Variants in CELF2 observed in about 807,000 individuals in gnomAD.
The protein encoded by CELF2 is CUG triplet repeat RNA-binding protein 2.
Under a neutral mutation model 62.6 loss-of-function variants are expected in CELF2, and 8 were observed. The ratio of observed to expected loss-of-function variants is 0.13; its 90% CI spans 0.07 to 0.23. The LOEUF (loss-of-function observed/expected upper bound fraction) is 0.23, where lower values mean the gene tolerates loss of function less well. CELF2 is among the 10% of genes least tolerant of loss of function. CELF2 has a pLI of 1.00. For synonymous variants in CELF2, 258 were observed against 250.0 expected (o/e 1.03, Z -0.30); for missense variants, 333 against 671.0 (o/e 0.50, Z 5.56).
At chr10:11,149,700 T>C (rs2062961828) in intron 1 of CELF2, among the ~76,000 whole-genome samples, 1 of 152,196 alleles carries the variant, frequency 6.6e-6, no homozygotes, top group South Asian at 2.1e-4. Context: ...GTAGAACGTT[T>C]CCAAGCTGTC....
the CELF2 span, among the ~76,000 whole-genome samples, chr10:10,551,798 G>A: frequency 1.3e-5 from 2 of 152,182 alleles, no homozygotes; most frequent in East Asian, 3.9e-4. Context: ...GCTTTCCAAT[G>A]TTGATATTTA....
the CELF2 span, among the ~76,000 whole-genome samples, chr10:10,470,208 A>T: frequency 2.6e-5 from 4 of 151,868 alleles, no homozygotes; most frequent in Admixed American, 1.3e-4. Flanking sequence ...TTATCCCCTG[A>T]TTATTACAGG....
At chr10:11,256,294 C>G (rs928890976) in intron 4 of CELF2, among the ~76,000 whole-genome samples, 1 of 152,220 alleles carries the variant, frequency 6.6e-6, no homozygotes, top group Non-Finnish European at 1.5e-5. Flanking sequence ...CCACCTGTTA[C>G]CAGTACACCT....
chr10:10,843,945 A>G (rs1263750695), intron 1 of CELF2, among the ~76,000 whole-genome samples: 1 of 151,968 alleles, frequency 6.6e-6, no homozygotes, highest in East Asian at 1.9e-4. Context: ...CTGAGCAGCC[A>G]CTTATGTAAG....
At position 11,220,996 on chromosome 10, in the gene CELF2, G is replaced by A. The variant is rs963357823; in HGVS notation, c.354+3489G>A. ...CAGGTAGTTAATACTTACATGGTTC[G>A]TGCTTTCACGCTTTTCTGCTGCAGA... On this transcript the variant is annotated intron_variant, in intron 3 of 12. Coordinates refer to ENST00000633077, the MANE Select transcript of CELF2 (RefSeq NM_001326342.2). The surrounding 1 kb of genome is among the most constrained non-coding windows in gnomAD (Gnocchi z 4.4). 6.6e-6 allele frequency among the ~76,000 whole-genome samples: 1 copy of A among 152,206 alleles called. No homozygotes were observed. The highest frequency in any genetic ancestry group is 1.5e-5 in the Non-Finnish European group (1 of 68,040).
At chr10:11,262,788 T>A (rs2081051902) in intron 5 of CELF2, among the ~76,000 whole-genome samples, 1 of 152,206 alleles carries the variant, frequency 6.6e-6, no homozygotes, top group Non-Finnish European at 1.5e-5. Flanking sequence ...TAGGAACTTA[T>A]AAACAAGTTT....
At chr10:10,550,544 G>A in the CELF2 span, among the ~76,000 whole-genome samples, 1 of 152,146 alleles carries the variant, frequency 6.6e-6, no homozygotes, top group Non-Finnish European at 1.5e-5. Flanking sequence ...CCAGAGCTGA[G>A]GTTTGGGTTA....
chr10:11,080,683 T>C (rs1190734995), intron 1 of CELF2, among the ~76,000 whole-genome samples: 1 of 152,228 alleles, frequency 6.6e-6, no homozygotes, highest in Non-Finnish European at 1.5e-5. Flanking sequence ...CTTTTCATTG[T>C]GTATTGTAGA....
chr10:11,328,350 C>T lies in CELF2; in HGVS notation c.1439-576C>T, dbSNP rs549223283. Among the ~76,000 whole-genome samples, 9 of 152,258 alleles carry T rather than the reference C, an allele frequency of 5.9e-5. No individual in the cohort carries two copies. In the South Asian group the frequency reaches 1.0e-3, roughly 18 times the overall value. On this transcript the variant is annotated intron_variant, in intron 12 of 12. Transcript: ENST00000633077. This position sits in a 1 kb window ranked among gnomAD's most constrained non-coding sequence, Gnocchi z 6.4. ...TGAGTGAGTTATTCTAGAGTTTATT[C>T]GCTAATTGACCCATCCTCCAGCTAA... is the stretch of plus-strand genomic sequence containing the variant.
At chr10:10,488,223 A>T in the CELF2 span, among the ~76,000 whole-genome samples, 1 of 152,152 alleles carries the variant, frequency 6.6e-6, no homozygotes, top group African/African-American at 2.4e-5. Context: ...AGTAATCCCA[A>T]TCCTTATTTG....
chr10:10,645,424 G>C, the CELF2 span, among the ~76,000 whole-genome samples: 1 of 152,146 alleles, frequency 6.6e-6, no homozygotes, highest in South Asian at 2.1e-4. Context: ...AGGCTGAGCT[G>C]GGAAGATCAC....
rs2052356812 is a variant in CELF2, at chr10:10,983,219, C to T, written c.89+63220C>T. 6.6e-6 allele frequency among the ~76,000 whole-genome samples: 1 copy of T among 151,682 alleles called. No homozygotes were observed. The highest frequency in any genetic ancestry group is 1.5e-5 in the Non-Finnish European group (1 of 67,952). The stretch of plus-strand genomic sequence containing the variant: ...AAATATTAGATAAAAAGTGATACAT[C>T]TGAATTATGTATTTTAAACATTTTT... On this transcript the variant is annotated intron_variant, in intron 2 of 13. Transcript: ENST00000636488. This position sits in a 1 kb window ranked among gnomAD's most constrained non-coding sequence, Gnocchi z 5.2.
chr10:10,573,301 G>A, the CELF2 span, among the ~76,000 whole-genome samples: 8 of 152,226 alleles, frequency 5.3e-5, no homozygotes, highest in Admixed American at 4.6e-4. Flanking sequence ...CACTCTGCTG[G>A]TTGCCTGTTC....
At chr10:11,295,874 G>A (rs2093113957) in intron 9 of CELF2, among the ~76,000 whole-genome samples, 1 of 152,192 alleles carries the variant, frequency 6.6e-6, no homozygotes, top group South Asian at 2.1e-4. Context: ...GGCCCCTTGT[G>A]TGGAGGGAGT....
rs953329989 is a variant in CELF2 at position 11,321,651 on chromosome 10, T to C, written c.1294+265T>C. On this transcript the variant is annotated intron_variant, in intron 11 of 12. Transcript: ENST00000633077. This position sits in a 1 kb window ranked among gnomAD's most constrained non-coding sequence, Gnocchi z 6.2. ...AGTGAGCCATGGTCATGCCTGTGAC[T>C]AGCCACTGCACTCCATTCGGGGAAC... 6.6e-6 allele frequency among the ~76,000 whole-genome samples: 1 copy of C among 152,206 alleles called. No individual in the cohort carries two copies. Among genetic ancestry groups the C allele is most frequent in the Non-Finnish European group, 1.5e-5 (1 of 68,032 alleles).
chr10:11,223,615 CAG>C lies in CELF2; in HGVS notation c.354+6113_354+6114del. 6.6e-6 allele frequency among the ~76,000 whole-genome samples: 1 copy of C among 152,184 alleles called. No individual in the cohort carries two copies. The stretch of plus-strand genomic sequence containing the variant: ...GGAGATGACTTTTTAAGGACTGTGA[CAG>C]AGAGTAGCAGGGGGAGCTCCGGAGG... On this transcript the variant is annotated intron_variant, in intron 3 of 12. Transcript: ENST00000633077. This position sits in a 1 kb window ranked among gnomAD's most constrained non-coding sequence, Gnocchi z 5.1.
the CELF2 span, among the ~76,000 whole-genome samples, chr10:10,752,276 C>T: frequency 6.6e-6 from 1 of 152,218 alleles, no homozygotes; most frequent in Admixed American, 6.5e-5. Flanking sequence ...CAGTGCAGAA[C>T]CCTCCTTATG....
At chr10:10,681,758 G>A in the CELF2 span, among the ~76,000 whole-genome samples, 1 of 152,184 alleles carries the variant, frequency 6.6e-6, no homozygotes, top group African/African-American at 2.4e-5. Flanking sequence ...ATGAAGATCA[G>A]GTTTTTCATT....
At chr10:10,670,008 T>C in the CELF2 span, among the ~76,000 whole-genome samples, 1 of 151,626 alleles carries the variant, frequency 6.6e-6, no homozygotes, top group African/African-American at 2.4e-5. Context: ...GTTCAAGCGA[T>C]TCTCCTGCCT....
Sources: allele counts gnomAD v4.1 joint callset (sites outside exome capture counted in the v4.1 genomes callset), GRCh38; gene constraint gnomAD v4.1.1; non-coding constraint Gnocchi (gnomAD v3.1); transcripts MANE v1.5; gene names NCBI Gene and HGNC (gene_info 2026-07-23, HGNC 2026-07-21).